Variants in ZPLD1 observed in about 807,000 individuals in gnomAD.
The protein encoded by ZPLD1 is zona pellucida-like domain-containing protein 1.
A neutral mutation model predicts 47.2 loss-of-function variants in ZPLD1; 34 were observed. That is an observed-to-expected ratio of 0.72 (90% CI 0.55 to 0.96). The LOEUF (loss-of-function observed/expected upper bound fraction) is 0.96. ZPLD1 is among the 40% of genes least tolerant of loss of function. ZPLD1 has a pLI of 0.00. For missense variants in ZPLD1, 512 were observed against 505.8 expected (o/e 1.01, Z -0.12); for synonymous variants, 176 against 186.2 (o/e 0.95, Z 0.45).
intron 7 of ZPLD1, among the ~76,000 whole-genome samples, chr3:102,403,876 C>T (rs1706652720): frequency 6.7e-6 from 1 of 148,680 alleles, no homozygotes; most frequent in Non-Finnish European, 1.5e-5. Context: ...TGATACAGAT[C>T]ACTACAGATG....
At chr3:102,457,129 AATCTTAGT>A (rs1418585717) in intron 5 of ZPLD1, among the ~76,000 whole-genome samples, 1 of 152,218 alleles carries the variant, frequency 6.6e-6, no homozygotes, top group Non-Finnish European at 1.5e-5. Context: ...GTTATTGCTT[AATCTTAGT>A]TATGAGGAAA....
At chr3:102,475,410 T>C (rs190325867) in intron 10 of ZPLD1, among the ~76,000 whole-genome samples, 91 of 152,282 alleles carry the variant, frequency 6.0e-4, no homozygotes, top group Admixed American at 4.7e-3. Flanking sequence ...GAAACACTTA[T>C]TAGAAAGGAA....
intron 7 of ZPLD1, among the ~76,000 whole-genome samples, chr3:102,414,755 T>A (rs1307333252): frequency 6.6e-6 from 1 of 151,720 alleles, no homozygotes; most frequent in Non-Finnish European, 1.5e-5. Context: ...ATAAGGGGAA[T>A]TATTTGAAAA....
Position 102,449,279 on chromosome 3 carries a change from C to T in ZPLD1, c.107-3640C>T, listed in dbSNP as rs897392356. Among the ~76,000 whole-genome samples the T allele has an allele frequency of 5.9e-5, 9 of 152,284 alleles. No homozygotes were observed. The East Asian group carries it at 1.4e-3, about 23-fold the overall frequency. ...CCTAACCAGCTGGTCTGGGCAAAGCCGGCCTTCTACGCTACTCCATAGCTC... is the reference window on the plus strand; with the variant it reads ...CCTAACCAGCTGGTCTGGGCAAAGCTGGCCTTCTACGCTACTCCATAGCTC... On this transcript the variant is annotated intron_variant, in intron 3 of 11. Coordinates refer to ENST00000466937, the MANE Select transcript of ZPLD1 (RefSeq NM_001329788.2).
In ZPLD1 at chr3:102,479,673, A is replaced by G. The variant is rs1162731424; in HGVS notation, c.*2055A>G. ...TTCTTATAAATCTGCAGTTATATGG[A>G]GTATTTAGTTATACTGAATTTTACA... On this transcript the variant is annotated 3_prime_UTR_variant, in exon 12 of 12. Transcript: ENST00000466937. The G allele has an allele frequency of 6.6e-6, 1 of 152,172 alleles. No individual in the cohort carries two copies. Among genetic ancestry groups the G allele is most frequent in the Non-Finnish European group, 1.5e-5 (1 of 68,032 alleles). 9.4% of individuals were successfully genotyped at this position (152,172 alleles called of 1,614,324 possible). A position where few individuals can be genotyped will look rare whatever the true frequency, so the allele number is the denominator to read the frequency against.
chr3:102,413,529 A>C (rs1211396703), intron 7 of ZPLD1, among the ~76,000 whole-genome samples: 1 of 151,820 alleles, frequency 6.6e-6, no homozygotes, highest in Non-Finnish European at 1.5e-5. Context: ...GACAATGACT[A>C]TCCTGAAACA....
At chr3:102,470,072 T>G (rs1165176900) in intron 9 of ZPLD1, among the ~76,000 whole-genome samples, 1 of 152,120 alleles carries the variant, frequency 6.6e-6, no homozygotes, top group African/African-American at 2.4e-5. Flanking sequence ...GACCAACATT[T>G]CCGGGAAGGA....
chr3:102,387,432 G>C (rs1400138784), intron 6 of ZPLD1, among the ~76,000 whole-genome samples: 1 of 151,982 alleles, frequency 6.6e-6, no homozygotes, highest in South Asian at 2.1e-4. Context: ...CACCTCTTTT[G>C]TATTCTGTCA....
chr3:102,420,393 G>A (rs1452755738), intron 8 of ZPLD1, among the ~76,000 whole-genome samples: 1 of 151,990 alleles, frequency 6.6e-6, no homozygotes, highest in East Asian at 1.9e-4. Flanking sequence ...TTATAGCAGG[G>A]TGAGCAAACT....
At chr3:102,431,051 T>C (rs576140704), upstream of ZPLD1, among the ~76,000 whole-genome samples, 2 of 152,296 alleles carry the variant, frequency 1.3e-5, no homozygotes, top group African/African-American at 4.8e-5. Context: ...GTGACTTAGT[T>C]CCACCTATCA....
intron 6 of ZPLD1, among the ~76,000 whole-genome samples, chr3:102,386,031 G>T (rs925113120): frequency 1.3e-5 from 2 of 152,028 alleles, no homozygotes; most frequent in Non-Finnish European, 2.9e-5. Context: ...TCTCTGTGTT[G>T]ATTGTTATGT....
intron 8 of ZPLD1, among the ~76,000 whole-genome samples, chr3:102,467,689 T>C (rs901552367): frequency 6.6e-6 from 1 of 152,080 alleles, no homozygotes; most frequent in Admixed American, 6.6e-5. Context: ...ATTATTAATT[T>C]AAAGGTAAAA....
chr3:102,430,181 A>G (rs1397180902), upstream of ZPLD1, among the ~76,000 whole-genome samples: 1 of 152,172 alleles, frequency 6.6e-6, no homozygotes, highest in African/African-American at 2.4e-5. Context: ...AGTTTCACAA[A>G]GTATTGACTG....
At chr3:102,444,949 A>G (rs1707235360) in intron 3 of ZPLD1, among the ~76,000 whole-genome samples, 2 of 152,120 alleles carry the variant, frequency 1.3e-5, no homozygotes, top group African/African-American at 4.8e-5. Flanking sequence ...CGTCCTCTCC[A>G]GTTGCTTCTG....
intron 7 of ZPLD1, among the ~76,000 whole-genome samples, chr3:102,401,695 A>G (rs149408853): frequency 6.6e-6 from 1 of 152,196 alleles, no homozygotes; most frequent in African/African-American, 2.4e-5. Flanking sequence ...TGATGTTGAT[A>G]ATGATTGACT....
At chr3:102,455,197 A>T (rs1157347019) in intron 4 of ZPLD1, among the ~76,000 whole-genome samples, 1 of 152,244 alleles carries the variant, frequency 6.6e-6, no homozygotes, top group Non-Finnish European at 1.5e-5. Flanking sequence ...GAAAATTATC[A>T]CAGGTCTTAG....
chr3:102,402,703 T>G (rs1157264936), intron 7 of ZPLD1, among the ~76,000 whole-genome samples: 2 of 151,976 alleles, frequency 1.3e-5, no homozygotes, highest in East Asian at 3.9e-4. Flanking sequence ...AGAATGCTTT[T>G]TAAATGTCCC....
At chr3:102,466,693 G>A (rs1195424895) in intron 8 of ZPLD1, among the ~76,000 whole-genome samples, 5 of 151,896 alleles carry the variant, frequency 3.3e-5, no homozygotes, top group African/African-American at 4.8e-5. Flanking sequence ...GTAATTAGAA[G>A]GCATTCAAAG....
intron 10 of ZPLD1, among the ~76,000 whole-genome samples, chr3:102,472,678 C>A (rs1483349150): frequency 6.6e-6 from 1 of 152,066 alleles, no homozygotes; most frequent in Non-Finnish European, 1.5e-5. Context: ...TGGGTAGGCA[C>A]AATAAAAGAG....
Sources: gnomAD v4.1 joint callset for allele counts (sites outside exome capture counted in the v4.1 genomes callset) on GRCh38, gnomAD v4.1.1 for gene constraint, MANE v1.5 for transcripts, NCBI Gene and HGNC (gene_info 2026-07-23, HGNC 2026-07-21) for gene names.